SLC1A2: variants seen among roughly 807,000 people sequenced by gnomAD.
The protein encoded by SLC1A2 is solute carrier family 1 member 2, also known as excitatory amino acid transporter 2.
In SLC1A2, 15 loss-of-function variants were observed where a neutral mutation model predicts 48.8. The ratio of observed to expected loss-of-function variants is 0.31; its 90% confidence interval spans 0.21 to 0.47. SLC1A2 has a LOEUF of 0.47. Among genes scored for constraint, SLC1A2 ranks in the 20% least tolerant of loss-of-function variants. SLC1A2 has a pLI of 0.99. For synonymous variants in SLC1A2, 279 were observed against 272.6 expected, an observed-to-expected ratio of 1.02 and a Z score of -0.23; for missense variants, 502 against 730.5, an observed-to-expected ratio of 0.69 and a Z score of 3.61.
chr11:35,294,197 A>G (rs1851099424), intron 6 of SLC1A2, among the ~76,000 whole-genome samples: 1 of 152,224 alleles, frequency 6.6e-6, no homozygotes, highest in Non-Finnish European at 1.5e-5. Context: ...TTATAGCAAC[A>G]TATTCTCTCA....
intron 6 of SLC1A2, among the ~76,000 whole-genome samples, chr11:35,296,399 G>C (rs1851173079): frequency 6.6e-6 from 1 of 152,188 alleles, no homozygotes; most frequent in Non-Finnish European, 1.5e-5. Context: ...ATCCATTTAG[G>C]GATAGGAGTT....
intron 9 of SLC1A2, among the ~76,000 whole-genome samples, chr11:35,273,531 T>A (rs1341607193): frequency 6.6e-6 from 1 of 152,226 alleles, no homozygotes; most frequent in Non-Finnish European, 1.5e-5. Context: ...ACCAAGGCTG[T>A]TTTATATAAA....
chr11:35,280,173 T>A (rs761902427), intron 9 of SLC1A2, among the ~76,000 whole-genome samples: 3 of 152,102 alleles, frequency 2.0e-5, no homozygotes, highest in Non-Finnish European at 4.4e-5. Flanking sequence ...TTTTTCTTTT[T>A]TTTTCTTAGG....
At position 35,260,499 on chromosome 11, in the gene SLC1A2, C is replaced by T. The variant is rs1024889917; in HGVS notation, c.*395G>A. ...ATGGAGAACACTTTAAGGAATAACA[C>T]GCTGTGTGTTTGCTCATTTTCCCAA... is the stretch of plus-strand genomic sequence containing the variant. On this transcript the variant is annotated 3_prime_UTR_variant, in exon 11 of 11. Coordinates refer to ENST00000278379, the MANE Select transcript of SLC1A2 (RefSeq NM_004171.4). 3 of 183,834 alleles carry T rather than the reference C, an allele frequency of 1.6e-5. No homozygotes were observed. The highest frequency in any genetic ancestry group is 2.4e-5 in the African/African-American group (1 of 42,066). The allele number at this position is 183,834 out of a possible 1,614,324, so 11.4% of individuals were successfully genotyped here. A position where few individuals can be genotyped will look rare whatever the true frequency, so the allele number is the denominator to read the frequency against.
rs938203219 is a variant in SLC1A2, at chr11:35,252,963, T to A, written c.*7931A>T. 3 of 152,532 alleles carry A rather than the reference T, an allele frequency of 2.0e-5. No individual in the cohort carries two copies. The highest frequency in any genetic ancestry group is 7.2e-5 in the African/African-American group (3 of 41,454). 9.4% of individuals were successfully genotyped at this position (152,532 alleles called of 1,614,324 possible). On this transcript the variant is annotated 3_prime_UTR_variant, in exon 11 of 11. Transcript: ENST00000278379. ...CAGTCGAGGGTACATCTAATCTGTT[T>A]GTTTAATGAAGAGCAGGTTCAAATA... is the stretch of plus-strand genomic sequence containing the variant.
intron 9 of SLC1A2, among the ~76,000 whole-genome samples, chr11:35,271,558 T>A (rs978762960): frequency 1.3e-5 from 2 of 152,190 alleles, no homozygotes; most frequent in African/African-American, 2.4e-5. Flanking sequence ...ACAACCCTAA[T>A]TATTATCTAG....
chr11:35,269,164 CAG>C (rs1031183682), intron 9 of SLC1A2, among the ~76,000 whole-genome samples: 4 of 152,178 alleles, frequency 2.6e-5, no homozygotes, highest in Admixed American at 2.6e-4. Flanking sequence ...CCATGTGAGG[CAG>C]AGTGAAAAGA....
intron 1 of SLC1A2, among the ~76,000 whole-genome samples, chr11:35,353,294 G>T (rs370119601): frequency 6.6e-6 from 1 of 152,042 alleles, no homozygotes; most frequent in Non-Finnish European, 1.5e-5. Flanking sequence ...TCCCCTAACC[G>T]TTCATACAAA....
chr11:35,381,835 C>G (rs529593514), intron 1 of SLC1A2, among the ~76,000 whole-genome samples: 4 of 152,262 alleles, frequency 2.6e-5, no homozygotes, highest in East Asian at 3.9e-4. Flanking sequence ...TTGTCTTTCC[C>G]AGAAACACAC....
rs557145832 is a variant in SLC1A2, at chr11:35,304,392, T to C, written c.730+1682A>G. Among the ~76,000 whole-genome samples, 13 of 152,012 alleles carry C rather than the reference T, an allele frequency of 8.6e-5. No individual in the cohort carries two copies. In the South Asian group the frequency reaches 2.5e-3, roughly 29 times the overall value. On this transcript the variant is annotated intron_variant, in intron 5 of 10. Coordinates refer to ENST00000278379, the MANE Select transcript of SLC1A2 (RefSeq NM_004171.4). ...AGTTATGACCCACCAGAAAAGACCA[T>C]GGGGGAGTTAGGAAGGACCTGAAAG... is the stretch of plus-strand genomic sequence containing the variant.
chr11:35,403,634 T>C (rs1190759680), intron 1 of SLC1A2, among the ~76,000 whole-genome samples: 3 of 152,132 alleles, frequency 2.0e-5, no homozygotes, highest in Admixed American at 6.5e-5. Context: ...AAGTCGCATA[T>C]CCATAAAGCA....
chr11:35,376,137 T>G (rs999972925), intron 1 of SLC1A2, among the ~76,000 whole-genome samples: 1 of 151,768 alleles, frequency 6.6e-6, no homozygotes, highest in Non-Finnish European at 1.5e-5. Flanking sequence ...TGCAGTCAAT[T>G]AAAAGCTAGA....
chr11:35,293,164 T>A (rs1851065831), intron 6 of SLC1A2, among the ~76,000 whole-genome samples: 1 of 152,220 alleles, frequency 6.6e-6, no homozygotes, highest in African/African-American at 2.4e-5. Context: ...ACCCATTCCC[T>A]CACTTAATGC....
intron 6 of SLC1A2, among the ~76,000 whole-genome samples, chr11:35,293,903 A>C (rs1056372109): frequency 6.6e-6 from 1 of 152,198 alleles, no homozygotes; most frequent in South Asian, 2.1e-4. Flanking sequence ...TTAGTGGCTT[A>C]TTCCCATTTT....
intron 1 of SLC1A2, among the ~76,000 whole-genome samples, chr11:35,319,859 C>T (rs895974553): frequency 3.3e-5 from 5 of 152,272 alleles, no homozygotes; most frequent in South Asian, 2.1e-4. Context: ...AGAGAATTCT[C>T]GTGAGTTACC....
intron 1 of SLC1A2, among the ~76,000 whole-genome samples, chr11:35,326,312 C>G (rs1260044478): frequency 6.6e-6 from 1 of 152,222 alleles, no homozygotes; most frequent in African/African-American, 2.4e-5. Flanking sequence ...ACTCATTCCC[C>G]TTCCAAGAGC....
chr11:35,373,149 A>G (rs984294552), intron 1 of SLC1A2, among the ~76,000 whole-genome samples: 5 of 152,224 alleles, frequency 3.3e-5, no homozygotes, highest in Admixed American at 1.3e-4. Context: ...ACCTTCTCTC[A>G]GAGATGGTGA....
chr11:35,309,539 A>C (rs1851621354), intron 4 of SLC1A2, among the ~76,000 whole-genome samples: 2 of 152,200 alleles, frequency 1.3e-5, no homozygotes, highest in Admixed American at 1.3e-4. Flanking sequence ...TCACAAAGAC[A>C]CAGGGACTTA....
intron 1 of SLC1A2, among the ~76,000 whole-genome samples, chr11:35,357,807 G>A (rs1853536110): frequency 6.6e-6 from 1 of 152,038 alleles, no homozygotes; most frequent in Non-Finnish European, 1.5e-5. Flanking sequence ...TTTAAAATAA[G>A]AATTTTATAG....
Sources: gnomAD v4.1 joint callset for allele counts (sites outside exome capture counted in the v4.1 genomes callset) on GRCh38, gnomAD v4.1.1 for gene constraint, MANE v1.5 for transcripts, NCBI Gene and HGNC (gene_info 2026-07-23, HGNC 2026-07-21) for gene names.